Variants in EHMT1 observed in about 807,000 individuals in gnomAD.
EHMT1 encodes histone-lysine N-methyltransferase EHMT1.
Under a neutral mutation model 147.2 loss-of-function variants are expected in EHMT1, and 15 were observed. That is an observed-to-expected ratio of 0.10 (90% CI 0.07 to 0.16). The LOEUF (loss-of-function observed/expected upper bound fraction) is 0.16. Ranked by LOEUF, EHMT1 falls within the 10% of genes least tolerant of loss-of-function variation. The pLI, the probability that EHMT1 is intolerant of heterozygous loss-of-function variation, is 1.00. For missense variants in EHMT1, 1,587 were observed against 1,772.4 expected (o/e 0.90, Z 1.88); for synonymous variants, 795 against 709.6 (o/e 1.12, Z -1.91).
At chr9:137,742,377 C>A (rs1177543214) in intron 4 of EHMT1, among the ~76,000 whole-genome samples, 1 of 150,632 alleles carries the variant, frequency 6.6e-6, no homozygotes, top group Non-Finnish European at 1.5e-5. Context: ...GGCTTGAACT[C>A]CTGGAATGAA....
intron 14 of EHMT1, among the ~76,000 whole-genome samples, chr9:137,781,977 G>A (rs1000924482): frequency 1.3e-5 from 2 of 152,182 alleles, no homozygotes; most frequent in African/African-American, 2.4e-5. Flanking sequence ...GCCTCACTGG[G>A]CCTGGGGCGG....
rs889530728 is a variant in EHMT1 at position 137,835,201 on chromosome 9, G to T, written c.*248G>T. On this transcript the variant is annotated 3_prime_UTR_variant, in exon 27 of 27. Coordinates refer to ENST00000460843, the MANE Select transcript of EHMT1 (RefSeq NM_024757.5). ...CTGGAGCGCACACTTTGGTCCGCGCGCCAGAGACGCTGGGAGTCCGCACTG... is the reference window on the plus strand; with the variant it reads ...CTGGAGCGCACACTTTGGTCCGCGCTCCAGAGACGCTGGGAGTCCGCACTG... 2.5e-6 allele frequency: 1 copy of T among 393,434 alleles called. No homozygotes were observed. The highest frequency in any genetic ancestry group is 4.4e-6 in the Non-Finnish European group (1 of 224,822). 24.4% of individuals were successfully genotyped at this position (393,434 alleles called of 1,614,324 possible).
rs546123732 is a variant in EHMT1, at chr9:137,674,698, G to A, written c.22-36269G>A. ...TATTTTGTGCCCATGCTAGGTGCCCGGGTTGCAAAGGTGGATTGGGGCTCC... is the reference window on the plus strand; with the variant it reads ...TATTTTGTGCCCATGCTAGGTGCCCAGGTTGCAAAGGTGGATTGGGGCTCC... On this transcript the variant is annotated intron_variant, in intron 1 of 26. Transcript: ENST00000460843. Among the ~76,000 whole-genome samples the A allele has an allele frequency of 3.9e-5, 6 of 152,308 alleles. No individual in the cohort carries two copies. In the South Asian group the frequency reaches 1.0e-3, roughly 26 times the overall value.
chr9:137,677,463 T>G (rs972850948), intron 1 of EHMT1, among the ~76,000 whole-genome samples: 1 of 152,154 alleles, frequency 6.6e-6, no homozygotes, highest in Non-Finnish European at 1.5e-5. Context: ...TTTTTTTTTC[T>G]TTGAGATGGA....
chr9:137,725,025 G>A (rs966761716), intron 3 of EHMT1, among the ~76,000 whole-genome samples: 14 of 144,200 alleles, frequency 9.7e-5, no homozygotes, highest in East Asian at 4.1e-4. Flanking sequence ...TGGGGCAGGC[G>A]TGTGGCCTTC....
intron 15 of EHMT1, 60 bp from the exon 16 acceptor site, chr9:137,790,788 C>T (rs1952466320): frequency 6.2e-7 from 1 of 1,613,686 alleles, no homozygotes; most frequent in Middle Eastern, 1.7e-4. Context: ...TAAGTCACTT[C>T]TCCCCAGGCG....
intron 15 of EHMT1, chr9:137,783,956 G>A (rs1951759425): frequency 2.3e-6 from 1 of 431,402 alleles, no homozygotes; most frequent in Non-Finnish European, 4.1e-6. Context: ...AACAGTCTTG[G>A]TATTTTAATA....
chr9:137,722,564 G>A (rs1196180773), intron 3 of EHMT1, among the ~76,000 whole-genome samples: 9 of 152,118 alleles, frequency 5.9e-5, no homozygotes, highest in South Asian at 2.1e-4. Flanking sequence ...TGGGCCCCAC[G>A]GAGGTGGTGC....
At position 137,794,197 on chromosome 9, in the gene EHMT1, A is replaced by G. The variant is rs548368055; in HGVS notation, c.2505+3227A>G. On this transcript the variant is annotated intron_variant, in intron 16 of 26. Coordinates refer to ENST00000460843, the MANE Select transcript of EHMT1 (RefSeq NM_024757.5). ...AAATGGCTGTATCAATTTATGATAT[A>G]ATTTTACCATTTTTAGTCAAATTTG... 5.3e-5 allele frequency among the ~76,000 whole-genome samples: 8 copies of G among 152,332 alleles called. No homozygotes were observed. In the South Asian group the frequency reaches 1.5e-3, roughly 28 times the overall value.
chr9:137,716,732 C>A lies in EHMT1; in HGVS notation c.192C>A (p.Ser64Arg). 2.5e-6 allele frequency: 4 copies of A among 1,612,402 alleles called. No individual in the cohort carries two copies. The highest frequency in any genetic ancestry group is 3.4e-6 in the Non-Finnish European group (4 of 1,179,332). ...TNGSCENSDA[S>R]SHANAAKHTQ... is the part of the protein sequence containing the mutation. The stretch of plus-strand genomic sequence containing the variant: ...GGTCTTGTGAAAACAGCGATGCCAG[C>A]AGTCATGCAAATGCTGCAAAGCACA... The change falls in exon 3 of 27, where the codon AGC (serine) becomes AGA (arginine). Residue 64 changes from serine (S) to arginine (R), a missense_variant. Transcript: ENST00000460843.
Position 137,762,752 on chromosome 9 carries a change from C to CCGAAGAGT in EHMT1, c.1583_1590dup (p.Glu531ArgfsTer35). On this transcript the variant is annotated frameshift_variant, in exon 10 of 27. Coordinates refer to ENST00000460843, the MANE Select transcript of EHMT1 (RefSeq NM_024757.5). LOFTEE classifies it high-confidence loss of function. ...TCTCTGCAGCTGCCGGATGGAAACA[C>CCGAAGAGT]CGAAGAGTCGAGAGATCACCACACT... is the stretch of plus-strand genomic sequence containing the variant. 6.2e-7 allele frequency: 1 copy of CCGAAGAGT among 1,614,222 alleles called. No individual in the cohort carries two copies. The highest frequency in any genetic ancestry group is 8.5e-7 in the Non-Finnish European group (1 of 1,180,032).
intron 1 of EHMT1, among the ~76,000 whole-genome samples, chr9:137,696,295 AGTTTCCTG>A (rs1943389466): frequency 6.6e-6 from 1 of 152,136 alleles, no homozygotes; most frequent in Admixed American, 6.5e-5. Context: ...TCATCTCACG[AGTTTCCTG>A]GACCGAAGTT....
At chr9:137,726,932 A>G (rs1354423350) in intron 3 of EHMT1, among the ~76,000 whole-genome samples, 1 of 152,132 alleles carries the variant, frequency 6.6e-6, no homozygotes, top group East Asian at 1.9e-4. Context: ...GCATCTTCTC[A>G]TGTGCTCATT....
At chr9:137,818,172 A>G in intron 25 of EHMT1, 34 bp downstream of exon 25, 2 of 1,607,774 alleles carry the variant, frequency 1.2e-6, no homozygotes, top group Non-Finnish European at 8.5e-7. Flanking sequence ...GCCACGCAGA[A>G]CTTGTGAACT....
In EHMT1 at chr9:137,635,824, C is replaced by A. The variant is rs549230467; in HGVS notation, c.21+16775C>A. Among the ~76,000 whole-genome samples the A allele has an allele frequency of 1.1e-4, 16 of 151,324 alleles. No individual in the cohort carries two copies. The East Asian group carries it at 2.4e-3, about 23-fold the overall frequency. On this transcript the variant is annotated intron_variant, in intron 1 of 26. Coordinates refer to ENST00000460843, the MANE Select transcript of EHMT1 (RefSeq NM_024757.5). ...GACAGAGCGAGACTGTCTCAAAAAACAAAACAAAACAAAAAACAATATTTT... is the reference window on the plus strand; with the variant it reads ...GACAGAGCGAGACTGTCTCAAAAAAAAAAACAAAACAAAAAACAATATTTT...
intron 4 of EHMT1, among the ~76,000 whole-genome samples, chr9:137,737,878 A>G (rs1363003725): frequency 1.3e-5 from 2 of 152,204 alleles, no homozygotes; most frequent in Non-Finnish European, 2.9e-5. Flanking sequence ...CAACTCAACA[A>G]TAAAAACAAC....
chr9:137,665,397 C>T (rs944377197), intron 1 of EHMT1, among the ~76,000 whole-genome samples: 1 of 152,134 alleles, frequency 6.6e-6, no homozygotes, highest in South Asian at 2.1e-4. Context: ...CGTGCAGGTG[C>T]GTCCTGGAGC....
At chr9:137,771,133 C>T (rs530466526) in intron 10 of EHMT1, among the ~76,000 whole-genome samples, 1 of 151,064 alleles carries the variant, frequency 6.6e-6, no homozygotes, top group Non-Finnish European at 1.5e-5. Context: ...GAAGTGTTCT[C>T]TCTCATGTCA....
intron 1 of EHMT1, among the ~76,000 whole-genome samples, chr9:137,637,334 C>G (rs1844159117): frequency 6.6e-6 from 1 of 151,780 alleles, no homozygotes; most frequent in Non-Finnish European, 1.5e-5. Flanking sequence ...CTCCACCATG[C>G]CAGGCTAATT....
Sources: gnomAD v4.1 joint callset for allele counts (sites outside exome capture counted in the v4.1 genomes callset) on GRCh38, gnomAD v4.1.1 for gene constraint, MANE v1.5 for transcripts, NCBI Gene and HGNC (gene_info 2026-07-23, HGNC 2026-07-21) for gene names.